The following FER1L6 variants were observed in gnomAD, a reference collection of about 807,000 sequenced individuals.
FER1L6 encodes fer-1-like protein 6.
FER1L6 carries 177 observed loss-of-function variants against 219.2 expected under a neutral mutation model. That is an observed-to-expected ratio of 0.81 (90% confidence interval 0.71 to 0.91). The LOEUF (loss-of-function observed/expected upper bound fraction) is 0.91. Ranked by LOEUF, FER1L6 falls within the 40% of genes least tolerant of loss-of-function variation. The pLI, the probability that FER1L6 is intolerant of heterozygous loss-of-function variation, is 0.00. For missense variants in FER1L6, 2,153 were observed against 2,259.9 expected, an observed-to-expected ratio of 0.95 and a Z score of 0.96; for synonymous variants, 768 against 824.3, an observed-to-expected ratio of 0.93 and a Z score of 1.17.
intron 1 of FER1L6, among the ~76,000 whole-genome samples, chr8:123,952,732 C>T (rs1331844504): frequency 2.0e-5 from 3 of 152,160 alleles, no homozygotes; most frequent in Admixed American, 2.0e-4. Flanking sequence ...GCAAGCATAA[C>T]ATCATCTTCC....
At chr8:124,080,099 T>C (rs1821473947) in intron 32 of FER1L6, among the ~76,000 whole-genome samples, 1 of 152,138 alleles carries the variant, frequency 6.6e-6, no homozygotes, top group Admixed American at 6.5e-5. Flanking sequence ...AATGAATAAA[T>C]TAAAGAATGA....
At chr8:123,992,148 T>C (rs115583270) in intron 12 of FER1L6, among the ~76,000 whole-genome samples, 1 of 152,200 alleles carries the variant, frequency 6.6e-6, no homozygotes, top group Admixed American at 6.5e-5. Flanking sequence ...AGGGATATTG[T>C]TCTGTAGTTT....
chr8:123,954,540 T>C (rs1814926113), intron 1 of FER1L6, among the ~76,000 whole-genome samples: 1 of 152,228 alleles, frequency 6.6e-6, no homozygotes, highest in Non-Finnish European at 1.5e-5. Flanking sequence ...CTCACTGGTC[T>C]TAATCCTACC....
At chr8:123,894,046 A>G (rs570781676) in intron 1 of FER1L6, among the ~76,000 whole-genome samples, 36 of 152,286 alleles carry the variant, frequency 2.4e-4, no homozygotes, top group Non-Finnish European at 4.6e-4. Flanking sequence ...AGAAAAGGGG[A>G]ATTGAAGCCA....
rs1413243132 is a variant in FER1L6 at position 124,021,531 on chromosome 8, G to A, written c.2014-19G>A. 16 of 1,613,316 alleles carry A rather than the reference G, an allele frequency of 9.9e-6. No homozygotes were observed. The highest frequency in any genetic ancestry group is 1.3e-5 in the African/African-American group (1 of 75,042). On this transcript the variant is annotated intron_variant, in intron 16 of 40. Coordinates refer to ENST00000522917, the MANE Select transcript of FER1L6 (RefSeq NM_001039112.2). ...CCAGATCTCTCGAAAGACCCACACTGACTCTTGTCTTGTTTTAGGAAGCAA... is the reference window on the plus strand; with the variant it reads ...CCAGATCTCTCGAAAGACCCACACTAACTCTTGTCTTGTTTTAGGAAGCAA...
intron 29 of FER1L6, among the ~76,000 whole-genome samples, chr8:124,069,937 G>A (rs1424448383): frequency 1.3e-5 from 2 of 151,920 alleles, no homozygotes; most frequent in Non-Finnish European, 2.9e-5. Context: ...AACCAACTTG[G>A]GTAAGCAATT....
intron 1 of FER1L6, among the ~76,000 whole-genome samples, chr8:123,892,199 T>A (rs1812659224): frequency 6.6e-6 from 1 of 152,216 alleles, no homozygotes; most frequent in Non-Finnish European, 1.5e-5. Context: ...AAATTTGGTT[T>A]TCTCTTTTGA....
At chr8:123,948,916 C>T (rs1814625764) in intron 1 of FER1L6, among the ~76,000 whole-genome samples, 1 of 151,964 alleles carries the variant, frequency 6.6e-6, no homozygotes, top group Non-Finnish European at 1.5e-5. Flanking sequence ...CTCTGATTTG[C>T]AAAGATGGCT....
intron 1 of FER1L6, among the ~76,000 whole-genome samples, chr8:123,856,312 ATGTG>A (rs1266081655): frequency 5.7e-5 from 3 of 52,802 alleles, no homozygotes; most frequent in African/African-American, 7.2e-5. Context: ...ATATATATGT[ATGTG>A]TATATATATA....
chr8:123,876,048 A>G (rs968403234), intron 1 of FER1L6, among the ~76,000 whole-genome samples: 16 of 152,154 alleles, frequency 1.1e-4, no homozygotes, highest in Admixed American at 7.9e-4. Flanking sequence ...TCAGTTGCTC[A>G]TTATTTCACT....
chr8:123,911,930 G>A (rs1813053693), intron 1 of FER1L6, among the ~76,000 whole-genome samples: 1 of 152,174 alleles, frequency 6.6e-6, no homozygotes, highest in Admixed American at 6.5e-5. Context: ...CGTGTGCGCT[G>A]TGAAGTCTGC....
chr8:124,058,971 G>A (rs1472511909), intron 22 of FER1L6: 6 of 152,196 alleles, frequency 3.9e-5, no homozygotes, highest in African/African-American at 9.7e-5. Context: ...ACGAGAATAT[G>A]TCTGTGAAAA....
At chr8:123,998,135 T>C (rs1817220158) in intron 12 of FER1L6, among the ~76,000 whole-genome samples, 1 of 152,192 alleles carries the variant, frequency 6.6e-6, no homozygotes, top group South Asian at 2.1e-4. Context: ...TGGGGTTGTT[T>C]GCGCCCATCC....
chr8:123,999,405 G>A (rs1291732422), intron 12 of FER1L6, among the ~76,000 whole-genome samples: 1 of 152,216 alleles, frequency 6.6e-6, no homozygotes, highest in African/African-American at 2.4e-5. Flanking sequence ...CAGCACTTTG[G>A]AAGGCCAAGC....
chr8:123,905,204 A>C (rs1278740308), intron 1 of FER1L6, among the ~76,000 whole-genome samples: 1 of 152,128 alleles, frequency 6.6e-6, no homozygotes, highest in Non-Finnish European at 1.5e-5. Context: ...TAAGTCCCAC[A>C]TGCATTATCT....
chr8:123,953,647 G>A lies in FER1L6; in HGVS notation c.-7-2345G>A, dbSNP rs538617679. Among the ~76,000 whole-genome samples, 5 of 152,272 alleles carry A rather than the reference G, an allele frequency of 3.3e-5. No individual in the cohort carries two copies. In the South Asian group the frequency reaches 6.2e-4, roughly 19 times the overall value. On this transcript the variant is annotated intron_variant, in intron 1 of 40. Coordinates refer to ENST00000522917, the MANE Select transcript of FER1L6 (RefSeq NM_001039112.2). ...ACCCATGACGAGGATGTCAGCTCCC[G>A]AAAGGAACCTTATGTCTCCCTCGGC...
intron 38 of FER1L6, among the ~76,000 whole-genome samples, chr8:124,102,463 A>G (rs1563801676): frequency 6.6e-6 from 1 of 152,254 alleles, no homozygotes; most frequent in Non-Finnish European, 1.5e-5. Context: ...TACACAGAGC[A>G]GTGGTCAACA....
chr8:123,885,410 C>G (rs1007652930), intron 1 of FER1L6, among the ~76,000 whole-genome samples: 7 of 152,172 alleles, frequency 4.6e-5, no homozygotes, highest in Non-Finnish European at 1.0e-4. Context: ...GCTGTTGCTT[C>G]AGAAATGCAT....
rs1178347154 is a variant in FER1L6, at chr8:124,119,733, C to A, written c.5517C>A (p.Val1839=). 6.2e-7 allele frequency: 1 copy of A among 1,614,050 alleles called. No homozygotes were observed. The highest frequency in any genetic ancestry group is 8.5e-7 in the Non-Finnish European group (1 of 1,179,944). The change falls in exon 41 of 41, where the codon GTC becomes GTA. Residue 1839 remains valine, a synonymous_variant. Coordinates refer to ENST00000522917, the MANE Select transcript of FER1L6 (RefSeq NM_001039112.2). ...FILIILIIFL[V]LFIYTLPGAI... ...TCATCATCCTCATCATCTTCCTCGT[C>A]CTTTTCATCTACACCTTGCCAGGAG... is the stretch of plus-strand genomic sequence containing the variant.
Sources: allele counts gnomAD v4.1 joint callset (sites outside exome capture counted in the v4.1 genomes callset), GRCh38; gene constraint gnomAD v4.1.1; transcripts MANE v1.5; gene names NCBI Gene and HGNC (gene_info 2026-07-23, HGNC 2026-07-21).